The following EIF4A3 variants were observed in gnomAD, a reference collection of about 807,000 sequenced individuals.
EIF4A3 encodes eukaryotic initiation factor 4A-III.
EIF4A3 carries 1 observed loss-of-function variant against 55.6 expected under a neutral mutation model. That is an observed-to-expected ratio of 0.02 (90% CI 0.01 to 0.09). The LOEUF (loss-of-function observed/expected upper bound fraction) is 0.09, where lower values mean the gene tolerates loss of function less well. EIF4A3 is among the 10% of genes least tolerant of loss of function. EIF4A3 has a pLI of 1.00. For missense variants in EIF4A3, 221 were observed against 540.7 expected, an observed-to-expected ratio of 0.41 and a Z score of 5.86; for synonymous variants, 194 against 196.3, an observed-to-expected ratio of 0.99 and a Z score of 0.10.
intron 6 of EIF4A3, 98 bp from the exon 7 acceptor site, chr17:80,139,260 G>T: frequency 6.7e-7 from 1 of 1,490,702 alleles, no homozygotes. Flanking sequence ...GAGGCAGAGT[G>T]GTGATAAGGT....
chr17:80,141,960 C>T (rs2039622329), intron 2 of EIF4A3, 112 bp from the exon 3 acceptor site: 5 of 774,644 alleles, frequency 6.5e-6, no homozygotes, highest in Non-Finnish European at 8.8e-6. Context: ...AGCAAGCCCC[C>T]GTACCTAATA....
At position 80,136,219 on chromosome 17, in the gene EIF4A3, G is replaced by A. The variant is rs1002363270; in HGVS notation, c.1091+9C>T. The A allele has an allele frequency of 3.1e-6, 5 of 1,613,274 alleles. No homozygotes were observed. The highest frequency in any genetic ancestry group is 4.2e-6 in the Non-Finnish European group (5 of 1,179,272). ...ACAGAAGTGAAGCCAATGAGAGCTTGCACCTTACCTGTGTATGTACAATTC... is the reference window on the plus strand; with the variant it reads ...ACAGAAGTGAAGCCAATGAGAGCTTACACCTTACCTGTGTATGTACAATTC... On this transcript the variant is annotated intron_variant, in intron 10 of 11. Coordinates refer to ENST00000649764, the MANE Select transcript of EIF4A3 (RefSeq NM_014740.4).
chr17:80,138,801 G>A lies in EIF4A3; in HGVS notation c.728+220C>T. On this transcript the variant is annotated intron_variant, in intron 7 of 11. Coordinates refer to ENST00000649764, the MANE Select transcript of EIF4A3 (RefSeq NM_014740.4). ...GGTAGAGATACGGTCTCTATATGTT[G>A]CCCAGCCTATTTGGTTTTTTAAAAC... 8 of 577,890 alleles carry A rather than the reference G, an allele frequency of 1.4e-5. No homozygotes were observed. The South Asian group carries it at 1.5e-4, about 11-fold the overall frequency. The allele number at this position is 577,890 out of a possible 1,614,324, so 35.8% of individuals were successfully genotyped here.
At chr17:80,143,188 TGAACACAGACAGTG>T (rs2039631657) in intron 2 of EIF4A3, among the ~76,000 whole-genome samples, 1 of 152,170 alleles carries the variant, frequency 6.6e-6, no homozygotes, top group Non-Finnish European at 1.5e-5. Flanking sequence ...TCTAGATGGC[TGAACACAGACAGTG>T]GAACACAAGG....
chr17:80,139,841 C>G (rs2039603265), intron 5 of EIF4A3, 91 bp from the exon 6 acceptor site: 1 of 1,500,386 alleles, frequency 6.7e-7, no homozygotes, highest in Non-Finnish European at 9.1e-7. Flanking sequence ...AAGAGCTCAT[C>G]ATTCCACTGG....
intron 1 of EIF4A3, among the ~76,000 whole-genome samples, chr17:80,144,744 G>GT (rs1179812301): frequency 6.6e-6 from 1 of 152,218 alleles, no homozygotes; most frequent in East Asian, 1.9e-4. Flanking sequence ...CATTAAGTCT[G>GT]TGTGTTGCTG....
chr17:80,141,389 A>T lies in EIF4A3; in HGVS notation c.310-8T>A. On this transcript the variant is annotated splice_polypyrimidine_tract_variant and splice_region_variant and intron_variant, in intron 3 of 11. Transcript: ENST00000649764. The stretch of plus-strand genomic sequence containing the variant: ...AGCTTGAGTTTCACGAACCTGGTGA[A>T]ATAATTTATCAGAAAATAGAGAATC... The T allele has an allele frequency of 1.2e-6, 2 of 1,613,490 alleles. No homozygotes were observed. Among genetic ancestry groups the T allele is most frequent in the Non-Finnish European group, 1.7e-6 (2 of 1,179,470 alleles).
chr17:80,146,556 G>A (rs2039664735), intron 1 of EIF4A3, among the ~76,000 whole-genome samples: 2 of 152,194 alleles, frequency 1.3e-5, no homozygotes, highest in South Asian at 4.1e-4. Context: ...TGCAGCCCCC[G>A]ACAGACCCAG....
Position 80,147,000 on chromosome 17 carries a change from C to G in EIF4A3, c.-39G>C, listed in dbSNP as rs749782812. 6.8e-7 allele frequency: 1 copy of G among 1,479,144 alleles called. No individual in the cohort carries two copies. The highest frequency in any genetic ancestry group is 9.0e-7 in the Non-Finnish European group (1 of 1,114,122). 91.6% of individuals were successfully genotyped at this position (1,479,144 alleles called of 1,614,324 possible). A position where few individuals can be genotyped will look rare whatever the true frequency, so the allele number is the denominator to read the frequency against. On this transcript the variant is annotated 5_prime_UTR_variant, in exon 1 of 12. Transcript: ENST00000649764. ...CGGAAGAGCACAGCGCGCGCCGCTGCCGACCTCGCTGCCGCTGCCGACCTC... is the reference window on the plus strand; with the variant it reads ...CGGAAGAGCACAGCGCGCGCCGCTGGCGACCTCGCTGCCGCTGCCGACCTC...
In EIF4A3 at chr17:80,135,108, C is replaced by T. The variant is rs1285239847; in HGVS notation, c.*382G>A. 15 of 161,800 alleles carry T rather than the reference C, an allele frequency of 9.3e-5. No individual in the cohort carries two copies. The highest frequency in any genetic ancestry group is 4.5e-4 in the Admixed American group (7 of 15,446). 10.0% of individuals were successfully genotyped at this position (161,800 alleles called of 1,614,324 possible). On this transcript the variant is annotated 3_prime_UTR_variant, in exon 12 of 12. Coordinates refer to ENST00000649764, the MANE Select transcript of EIF4A3 (RefSeq NM_014740.4). ...TGGAGCTTGCGGTGAGAGGAGATCACGCCACTGCGCTCCTGCCTGGGCAAC... is the reference window on the plus strand; with the variant it reads ...TGGAGCTTGCGGTGAGAGGAGATCATGCCACTGCGCTCCTGCCTGGGCAAC...
intron 9 of EIF4A3, chr17:80,136,837 C>G (rs1490427623): frequency 6.5e-6 from 1 of 152,804 alleles, no homozygotes; most frequent in East Asian, 2.0e-4. Context: ...ATTAGCCATT[C>G]CAGCTACTCG....
chr17:80,141,966 T>C, intron 2 of EIF4A3, 118 bp from the exon 3 acceptor site: 3 of 718,658 alleles, frequency 4.2e-6, no homozygotes, highest in Non-Finnish European at 7.3e-6. Flanking sequence ...CCCCCGTACC[T>C]AATAACATCT....
intron 2 of EIF4A3, among the ~76,000 whole-genome samples, chr17:80,143,517 G>C (rs966270501): frequency 2.6e-5 from 4 of 152,116 alleles, no homozygotes; most frequent in African/African-American, 9.7e-5. Flanking sequence ...TTGAACTGGA[G>C]GACACCCAGC....
intron 11 of EIF4A3, chr17:80,135,785 C>G (rs2039565456): frequency 1.3e-5 from 8 of 628,256 alleles, no homozygotes; most frequent in Non-Finnish European, 1.9e-5. Context: ...ATTCCAGCTA[C>G]TCAGGAGGCT....
rs773707246 is a variant in EIF4A3 at position 80,137,460 on chromosome 17, A to G, written c.909T>C (p.Thr303=). ...GCATGTCTCCATGCATTGAGGATAC[A>G]GTGAAGTTGGCTTCCCTCATTTTCT... ...LTEKMREANF[T]VSSMHGDMPQ... is the part of the protein sequence containing the mutation. Residue 303 remains threonine (T), a synonymous_variant, in exon 9 of 12, where the codon ACT becomes ACC. Coordinates refer to ENST00000649764, the MANE Select transcript of EIF4A3 (RefSeq NM_014740.4). 6.2e-7 allele frequency: 1 copy of G among 1,614,104 alleles called. No individual in the cohort carries two copies.
At chr17:80,143,704 C>T (rs529859851) in intron 2 of EIF4A3, among the ~76,000 whole-genome samples, 3 of 152,244 alleles carry the variant, frequency 2.0e-5, no homozygotes, top group East Asian at 3.9e-4. Flanking sequence ...CTTGGCCGGG[C>T]GCAGTAACTC....
intron 1 of EIF4A3, 72 bp from the exon 2 acceptor site, chr17:80,144,316 G>C: frequency 7.0e-7 from 1 of 1,431,808 alleles, no homozygotes; most frequent in Non-Finnish European, 9.8e-7. Flanking sequence ...GAGCTCCTCA[G>C]GGGCAGACAT....
At chr17:80,144,534 G>A (rs1425663821) in intron 1 of EIF4A3, among the ~76,000 whole-genome samples, 1 of 151,942 alleles carries the variant, frequency 6.6e-6, no homozygotes, top group African/African-American at 2.4e-5. Context: ...ATCTGGGTGT[G>A]CAGCATCTGG....
At chr17:80,136,893 G>A (rs1301223169) in intron 9 of EIF4A3, 1 of 155,060 alleles carries the variant, frequency 6.4e-6, no homozygotes, top group African/African-American at 2.4e-5. Flanking sequence ...GGCAGAGGTT[G>A]CAGTGAGCCA....
Sources: gnomAD v4.1 joint callset for allele counts (sites outside exome capture counted in the v4.1 genomes callset) on GRCh38, gnomAD v4.1.1 for gene constraint, MANE v1.5 for transcripts, NCBI Gene and HGNC (gene_info 2026-07-23, HGNC 2026-07-21) for gene names.